The following KCNAB1 variants were observed in gnomAD, a reference collection of about 807,000 sequenced individuals.
KCNAB1 encodes the protein potassium voltage-gated channel subfamily A regulatory beta subunit 1.
Under a neutral mutation model 64.6 loss-of-function variants are expected in KCNAB1, and 35 were observed. The ratio of observed to expected loss-of-function variants is 0.54; its 90% CI spans 0.41 to 0.72. KCNAB1 has a LOEUF of 0.72. Ranked by LOEUF, KCNAB1 falls within the 30% of genes least tolerant of loss-of-function variation. The pLI, the probability that KCNAB1 is intolerant of heterozygous loss-of-function variation, is 0.00. For missense variants in KCNAB1, 401 were observed against 512.9 expected (o/e 0.78, Z 2.11); for synonymous variants, 177 against 183.8 (o/e 0.96, Z 0.30).
chr3:156,282,412 T>C (rs201953699), intron 1 of KCNAB1, among the ~76,000 whole-genome samples: 53,487 of 138,754 alleles, frequency 0.39, 13,165 homozygotes, highest in African/African-American at 0.73. Flanking sequence ...GGAATAGGTG[T>C]GGTGTGGTGC....
chr3:156,152,872 TC>T (rs1208295449), intron 1 of KCNAB1, among the ~76,000 whole-genome samples: 1 of 152,220 alleles, frequency 6.6e-6, no homozygotes. Context: ...ATACGTAACT[TC>T]CCAAAAGGTT....
intron 2 of KCNAB1, among the ~76,000 whole-genome samples, chr3:156,422,459 G>A (rs1715525125): frequency 6.6e-6 from 1 of 152,182 alleles, no homozygotes; most frequent in South Asian, 2.1e-4. Flanking sequence ...TTTTCTGTTG[G>A]GTTCTATGTG....
chr3:156,296,526 G>T (rs560201902), intron 1 of KCNAB1, among the ~76,000 whole-genome samples: 29 of 148,430 alleles, frequency 2.0e-4, no homozygotes, highest in Middle Eastern at 3.5e-3. Context: ...CAGGCTGGAG[G>T]GCAGTGGCGC....
intron 1 of KCNAB1, among the ~76,000 whole-genome samples, chr3:156,146,020 T>C (rs1044448750): frequency 2.1e-4 from 32 of 152,296 alleles, no homozygotes; most frequent in African/African-American, 6.7e-4. Flanking sequence ...CCATTCTGAA[T>C]TTGGTCAGAC....
At chr3:156,464,247 A>C (rs1713165017) in intron 6 of KCNAB1, among the ~76,000 whole-genome samples, 2 of 152,116 alleles carry the variant, frequency 1.3e-5, no homozygotes, top group Non-Finnish European at 2.9e-5. Flanking sequence ...TACCTGTATC[A>C]CTCGCTGTCA....
intron 1 of KCNAB1, among the ~76,000 whole-genome samples, chr3:156,343,640 G>T (rs1446630495): frequency 6.6e-6 from 1 of 152,146 alleles, no homozygotes; most frequent in Non-Finnish European, 1.5e-5. Context: ...CCCCTTGGCT[G>T]GTTGACTTTG....
Position 156,316,976 on chromosome 3 carries a change from T to A in KCNAB1, c.276-104640T>A, listed in dbSNP as rs558376521. Among the ~76,000 whole-genome samples, 122 of 152,238 alleles carry A rather than the reference T, an allele frequency of 8.0e-4. 4 individuals carry two copies. In the South Asian group the frequency reaches 0.025, roughly 31 times the overall value. ...CTCAGGGTGGAGGCTGGGACGATTATATGAGATAAGATGAGAGAAATGACT... is the reference window on the plus strand; with the variant it reads ...CTCAGGGTGGAGGCTGGGACGATTAAATGAGATAAGATGAGAGAAATGACT... On this transcript the variant is annotated intron_variant, in intron 1 of 13. Transcript: ENST00000490337.
At chr3:156,149,832 G>T (rs1034176155) in intron 1 of KCNAB1, among the ~76,000 whole-genome samples, 11 of 151,990 alleles carry the variant, frequency 7.2e-5, no homozygotes, top group Non-Finnish European at 1.5e-4. Context: ...ATCCTCCCAG[G>T]ACCCTCCAAA....
intron 1 of KCNAB1, among the ~76,000 whole-genome samples, chr3:156,340,959 G>A (rs1724065502): frequency 6.6e-6 from 1 of 152,164 alleles, no homozygotes; most frequent in Non-Finnish European, 1.5e-5. Context: ...CAAAATTAAG[G>A]TGAGTAATTA....
intron 1 of KCNAB1, among the ~76,000 whole-genome samples, chr3:156,238,758 C>CT: frequency 6.6e-6 from 1 of 152,198 alleles, no homozygotes. Context: ...ATTCACCTCA[C>CT]TGGCACATCC....
chr3:156,198,724 G>A (rs1016624140), intron 1 of KCNAB1, among the ~76,000 whole-genome samples: 3 of 83,334 alleles, frequency 3.6e-5, no homozygotes, highest in African/African-American at 5.1e-5. Flanking sequence ...TCCTGAATAC[G>A]GCACACCAAT....
At chr3:156,420,095 C>T (rs898426871) in intron 1 of KCNAB1, among the ~76,000 whole-genome samples, 2 of 152,352 alleles carry the variant, frequency 1.3e-5, no homozygotes, top group African/African-American at 4.8e-5. Context: ...ATGTCCAGTT[C>T]ATATGGGAAA....
chr3:156,226,783 T>G (rs1716207350), intron 1 of KCNAB1, among the ~76,000 whole-genome samples: 1 of 152,156 alleles, frequency 6.6e-6, no homozygotes, highest in Non-Finnish European at 1.5e-5. Context: ...TATTCCAGTT[T>G]CAGGAAACAC....
At chr3:156,357,121 T>C (rs530582800) in intron 1 of KCNAB1, among the ~76,000 whole-genome samples, 68 of 151,136 alleles carry the variant, frequency 4.5e-4, no homozygotes, top group East Asian at 5.8e-4. Context: ...ACACATTCTC[T>C]CTCTCTCTCT....
At chr3:156,526,344 T>C (rs1718309774) in intron 12 of KCNAB1, among the ~76,000 whole-genome samples, 2 of 152,186 alleles carry the variant, frequency 1.3e-5, no homozygotes, top group Non-Finnish European at 2.9e-5. Flanking sequence ...TATTTTAAAT[T>C]TTCTAGTGAC....
intron 8 of KCNAB1, among the ~76,000 whole-genome samples, chr3:156,482,501 A>C (rs1714896193): frequency 6.7e-6 from 1 of 148,394 alleles, no homozygotes; most frequent in Admixed American, 6.7e-5. Context: ...CTAGGAAGTT[A>C]TGGGGGTAGA....
chr3:156,267,730 T>C lies in KCNAB1; in HGVS notation c.275+146844T>C, dbSNP rs142550194. Among the ~76,000 whole-genome samples, 67 of 152,236 alleles carry C rather than the reference T, an allele frequency of 4.4e-4. No homozygotes were observed. The East Asian group carries it at 9.3e-3, about 21-fold the overall frequency. On this transcript the variant is annotated intron_variant, in intron 1 of 13. Transcript: ENST00000490337. ...TTCTTTTCTGCCCTTACTGCCCAGATGTTTTCTTTGCTTTTTAATTTTTTT... is the reference window on the plus strand; with the variant it reads ...TTCTTTTCTGCCCTTACTGCCCAGACGTTTTCTTTGCTTTTTAATTTTTTT...
intron 1 of KCNAB1, among the ~76,000 whole-genome samples, chr3:156,192,583 T>C (rs1199103078): frequency 2.0e-5 from 3 of 152,080 alleles, no homozygotes; most frequent in Non-Finnish European, 4.4e-5. Context: ...AAAAGAGGGG[T>C]GTTGAGTTCT....
At chr3:156,188,314 A>G (rs1488494593) in intron 1 of KCNAB1, among the ~76,000 whole-genome samples, 1 of 152,086 alleles carries the variant, frequency 6.6e-6, no homozygotes, top group Non-Finnish European at 1.5e-5. Context: ...CCCAGAAATT[A>G]ATTTCTCAGC....
Sources: gnomAD v4.1 joint callset for allele counts (sites outside exome capture counted in the v4.1 genomes callset) on GRCh38, gnomAD v4.1.1 for gene constraint, MANE v1.5 for transcripts, NCBI Gene and HGNC (gene_info 2026-07-23, HGNC 2026-07-21) for gene names.